Variants in ATP11B observed in about 807,000 individuals in gnomAD.
The protein encoded by ATP11B is ATPase phospholipid transporting 11B (putative).
Under a neutral mutation model 157.8 loss-of-function variants are expected in ATP11B, and 81 were observed. The observed-to-expected ratio is 0.51, with a 90% CI of 0.43 to 0.62. The LOEUF is 0.62. ATP11B is among the 20% of genes least tolerant of loss of function. The pLI, the probability that ATP11B is intolerant of heterozygous loss-of-function variation, is 0.00. For synonymous variants in ATP11B, 451 were observed against 469.4 expected, an observed-to-expected ratio of 0.96 and a Z score of 0.51; for missense variants, 1,165 against 1,402.2, an observed-to-expected ratio of 0.83 and a Z score of 2.70.
intron 3 of ATP11B, 50 bp downstream of exon 3, chr3:182,828,259 A>T (rs778030741): frequency 2.2e-6 from 2 of 924,068 alleles, no homozygotes; most frequent in Admixed American, 5.4e-5. Context: ...TTCTAAAAAT[A>T]TGTCTTGGAA....
intron 19 of ATP11B, among the ~76,000 whole-genome samples, chr3:182,876,187 G>A (rs2108554337): frequency 6.6e-6 from 1 of 152,204 alleles, no homozygotes; most frequent in South Asian, 2.1e-4. Context: ...AGGCTACAGT[G>A]AACTGTGCTC....
intron 1 of ATP11B, among the ~76,000 whole-genome samples, chr3:182,815,144 A>C (rs1309365225): frequency 2.0e-5 from 3 of 152,076 alleles, no homozygotes; most frequent in Non-Finnish European, 2.9e-5. Context: ...TCCAGTCCCA[A>C]CTCACCCCTG....
At chr3:182,801,147 G>A (rs1277147326) in intron 1 of ATP11B, among the ~76,000 whole-genome samples, 1 of 152,142 alleles carries the variant, frequency 6.6e-6, no homozygotes, top group Non-Finnish European at 1.5e-5. Flanking sequence ...TTAACATTAA[G>A]TTATGGCTTA....
chr3:182,798,183 G>C (rs189280464), intron 1 of ATP11B, among the ~76,000 whole-genome samples: 1 of 152,298 alleles, frequency 6.6e-6, no homozygotes, highest in Admixed American at 6.5e-5. Context: ...TGGAAGTCTA[G>C]ATATCTCACT....
intron 10 of ATP11B, among the ~76,000 whole-genome samples, chr3:182,849,468 G>A (rs1577018032): frequency 6.6e-6 from 1 of 152,294 alleles, no homozygotes; most frequent in East Asian, 1.9e-4. Context: ...AAATGATCCA[G>A]ATCTTGCATT....
Position 182,866,265 on chromosome 3 carries a change from C to A in ATP11B, c.1444-3C>A. ...ATCATGAATATTAATTACATTTTTA[C>A]AGATTAAAGAACATGATCTCTTCTT... On this transcript the variant is annotated splice_region_variant and splice_polypyrimidine_tract_variant and intron_variant, in intron 13 of 29. Transcript: ENST00000323116. 1 of 1,530,108 alleles carries A rather than the reference C, an allele frequency of 6.5e-7. No individual in the cohort carries two copies. The allele number at this position is 1,530,108 out of a possible 1,614,324, so 94.8% of individuals were successfully genotyped here. A position where few individuals can be genotyped will look rare whatever the true frequency, so the allele number is the denominator to read the frequency against.
intron 15 of ATP11B, among the ~76,000 whole-genome samples, chr3:182,868,081 T>A (rs1157528063): frequency 2.0e-5 from 3 of 152,120 alleles, no homozygotes; most frequent in Non-Finnish European, 4.4e-5. Context: ...TTTAACTTAA[T>A]GATTCTTGAA....
intron 29 of ATP11B, chr3:182,915,772 A>G: frequency 5.1e-6 from 5 of 985,036 alleles, no homozygotes; most frequent in Non-Finnish European, 6.0e-6. Flanking sequence ...CTGCCCCAGG[A>G]GTTATTGAAT....
intron 17 of ATP11B, among the ~76,000 whole-genome samples, chr3:182,871,534 T>C (rs1211728253): frequency 6.6e-6 from 1 of 152,224 alleles, no homozygotes; most frequent in Non-Finnish European, 1.5e-5. Context: ...AATGGCCATT[T>C]TATTGACTTA....
chr3:182,864,150 T>A (rs970809477), intron 12 of ATP11B, among the ~76,000 whole-genome samples: 1 of 151,798 alleles, frequency 6.6e-6, no homozygotes, highest in African/African-American at 2.4e-5. Context: ...ATATATTCTA[T>A]TTTTTTTAGT....
chr3:182,819,303 G>C (rs1020609677), intron 1 of ATP11B, among the ~76,000 whole-genome samples: 143 of 151,946 alleles, frequency 9.4e-4, no homozygotes, highest in Middle Eastern at 6.8e-3. Context: ...GATCTCCTGA[G>C]CTCGTGATCC....
intron 1 of ATP11B, among the ~76,000 whole-genome samples, chr3:182,798,414 A>G (rs1312797764): frequency 6.6e-6 from 1 of 152,236 alleles, no homozygotes. Context: ...AAAAGGAAGC[A>G]CTGGCCTAGG....
At chr3:182,836,568 A>G in intron 6 of ATP11B, 98 bp downstream of exon 6, 1 of 1,370,652 alleles carries the variant, frequency 7.3e-7, no homozygotes, top group Non-Finnish European at 1.0e-6. Context: ...GTTTGACCAG[A>G]TTAAGGGGAA....
At chr3:182,857,167 A>G (rs1401205081) in intron 10 of ATP11B, among the ~76,000 whole-genome samples, 1 of 152,136 alleles carries the variant, frequency 6.6e-6, no homozygotes, top group Admixed American at 6.5e-5. Flanking sequence ...TTTTTTCGAG[A>G]CAGAGTCTCG....
chr3:182,855,405 T>C (rs1257461978), intron 10 of ATP11B, among the ~76,000 whole-genome samples: 1 of 152,050 alleles, frequency 6.6e-6, no homozygotes, highest in African/African-American at 2.4e-5. Flanking sequence ...TCAATTAGAG[T>C]ATAGATTTAA....
rs1041335611 is a variant in ATP11B, at chr3:182,865,713, A to T, written c.1443+15A>T. ...AAACTGAACTAGTAAGTAATTTTTA[A>T]ATTAATAAATAAGGGTTTCATATGA... On this transcript the variant is annotated intron_variant, in intron 13 of 29. Transcript: ENST00000323116. 40 of 1,580,616 alleles carry T rather than the reference A, an allele frequency of 2.5e-5. No individual in the cohort carries two copies. Among genetic ancestry groups the T allele is most frequent in the Non-Finnish European group, 3.3e-5 (38 of 1,163,824 alleles).
chr3:182,904,888 T>TA (rs1004716420), intron 28 of ATP11B, among the ~76,000 whole-genome samples: 1,809 of 101,658 alleles, frequency 0.018, 28 homozygotes, highest in East Asian at 0.047. Flanking sequence ...GACTTCTTCT[T>TA]AAAAAAAAAA....
chr3:182,916,485 T>C, intron 29 of ATP11B: 1 of 985,370 alleles, frequency 1.0e-6, no homozygotes, highest in Non-Finnish European at 1.2e-6. Context: ...GTATCCCATA[T>C]TGCAAGCTCA....
intron 29 of ATP11B, chr3:182,915,355 G>A (rs182881003): frequency 6.1e-5 from 60 of 985,204 alleles, no homozygotes; most frequent in Admixed American, 6.2e-5. Flanking sequence ...TTCATTCCAC[G>A]TAGAAGGATG....
Sources: gnomAD v4.1 joint callset for allele counts (sites outside exome capture counted in the v4.1 genomes callset) on GRCh38, gnomAD v4.1.1 for gene constraint, MANE v1.5 for transcripts, NCBI Gene and HGNC (gene_info 2026-07-23, HGNC 2026-07-21) for gene names.